The following CD101 variants were observed in gnomAD, a reference collection of about 807,000 sequenced individuals.
The protein encoded by CD101 is immunoglobulin superfamily member 2.
Under a neutral mutation model 98.2 loss-of-function variants are expected in CD101, and 76 were observed. The observed-to-expected ratio is 0.77, with a 90% CI of 0.64 to 0.94. CD101 has a LOEUF of 0.94. Ranked by LOEUF, CD101 falls within the 40% of genes least tolerant of loss-of-function variation. The pLI is 0.00. For synonymous variants in CD101, 471 were observed against 472.7 expected (o/e 1.00, Z 0.05); for missense variants, 1,145 against 1,218.8 (o/e 0.94, Z 0.90).
rs575637098 is a variant in CD101 at position 117,012,100 on chromosome 1, T to C, written c.841+134T>C. ...CTAGAAAGTTTGATTTAATTTTGTA[T>C]TTTTGTCATCTGAGAAGCATAACTA... On this transcript the variant is annotated intron_variant, in intron 3 of 9. Coordinates refer to ENST00000682167, the MANE Select transcript of CD101 (RefSeq NM_001256106.3). The surrounding 1 kb of genome is among the most constrained non-coding windows in gnomAD (Gnocchi z 4.0). 446 of 844,702 alleles carry C rather than the reference T, an allele frequency of 5.3e-4. 1 individual carries two copies. The highest frequency in any genetic ancestry group is 1.4e-3 in the Admixed American group (48 of 34,480). 52.3% of individuals were successfully genotyped at this position (844,702 alleles called of 1,614,324 possible).
intron 4 of CD101, among the ~76,000 whole-genome samples, chr1:117,016,696 A>G (rs1653239931): frequency 6.6e-6 from 1 of 152,208 alleles, no homozygotes; most frequent in Admixed American, 6.5e-5. Flanking sequence ...GTATCTCTAC[A>G]GAAAATTTAA....
rs757375727 is a variant in CD101 at position 117,013,639 on chromosome 1, G to C, written c.1075G>C (p.Ala359Pro). The change falls in exon 4 of 10, where the codon GCT (alanine) becomes CCT (proline). Residue 359 changes from alanine (A) to proline (P), a missense_variant. Physicochemically the swap from Ala to Pro is conservative, Grantham distance 27 (BLOSUM62 -1). Coordinates refer to ENST00000682167, the MANE Select transcript of CD101 (RefSeq NM_001256106.3). ...CCAGGTTTCAAAGTTAGGCCCCAAG[G>C]CTTTCTCTCTCAAGATCTTCTCTCT... Reference protein sequence around the residue: ...ELQVSKLGPKAFSLKIFSLGP... With the variant: ...ELQVSKLGPKPFSLKIFSLGP... The C allele has an allele frequency of 9.9e-6, 16 of 1,614,002 alleles. 1 individual carries two copies. The highest frequency in any genetic ancestry group is 2.7e-5 in the African/African-American group (2 of 74,908).
Position 117,010,632 on chromosome 1 carries a change from C to G in CD101, c.424+402C>G, listed in dbSNP as rs779719008. ...TCATTAACTTAGAAATGATAATTCT[C>G]AAACTACCATTCTCTAGCATATTTA... On this transcript the variant is annotated intron_variant, in intron 2 of 9. Transcript: ENST00000682167. This position sits in a 1 kb window ranked among gnomAD's most constrained non-coding sequence, Gnocchi z 5.2. Among the ~76,000 whole-genome samples the G allele has an allele frequency of 3.3e-5, 5 of 152,220 alleles. No homozygotes were observed. The highest frequency in any genetic ancestry group is 7.3e-5 in the Non-Finnish European group (5 of 68,040).
Position 117,009,835 on chromosome 1 carries a change from T to G in CD101, c.44-15T>G. On this transcript the variant is annotated splice_polypyrimidine_tract_variant and intron_variant, in intron 1 of 9. Coordinates refer to ENST00000682167, the MANE Select transcript of CD101 (RefSeq NM_001256106.3). ...TAATCTCTTTTTATTCCCCTTTCTT[T>G]CTCCTACTTACAAGCTAAGCTCAGC... The G allele has an allele frequency of 6.3e-7, 1 of 1,577,374 alleles. No homozygotes were observed. The highest frequency in any genetic ancestry group is 8.6e-7 in the Non-Finnish European group (1 of 1,156,372).
chr1:117,002,810 CA>C (rs1354793388), intron 1 of CD101, among the ~76,000 whole-genome samples: 1 of 152,132 alleles, frequency 6.6e-6, no homozygotes, highest in African/African-American at 2.4e-5. Flanking sequence ...AATAACATTT[CA>C]ATATATCTTA....
intron 1 of CD101, among the ~76,000 whole-genome samples, chr1:117,009,083 C>T (rs141337501): frequency 1.3e-3 from 197 of 152,258 alleles, no homozygotes; most frequent in African/African-American, 4.2e-3. Context: ...ATGCTTTTTC[C>T]TTTAGACCTA....
Position 117,018,888 on chromosome 1 carries a change from GAGA to G in CD101, c.2017+333_2017+335del, listed in dbSNP as rs1230719393. On this transcript the variant is annotated intron_variant, in intron 6 of 9. Coordinates refer to ENST00000682167, the MANE Select transcript of CD101 (RefSeq NM_001256106.3). The surrounding 1 kb of genome is among the most constrained non-coding windows in gnomAD (Gnocchi z 4.3). ...GGGCCTCTAGGACCTGGCTAGAGGG[GAGA>G]AGAAATGTTTTGGATTAGTCACTGT... 6.6e-6 allele frequency among the ~76,000 whole-genome samples: 1 copy of G among 152,194 alleles called. No homozygotes were observed. Among genetic ancestry groups the G allele is most frequent in the Non-Finnish European group, 1.5e-5 (1 of 68,036 alleles).
chr1:117,031,375 C>G (rs1237004468), intron 8 of CD101, among the ~76,000 whole-genome samples: 2 of 152,232 alleles, frequency 1.3e-5, no homozygotes, highest in African/African-American at 4.8e-5. Flanking sequence ...ATTCTAGCAA[C>G]TGTAATACCT....
Position 117,012,460 on chromosome 1 carries a change from A to G in CD101, c.841+494A>G, listed in dbSNP as rs1002087631. Reference sequence around the variant, plus strand: ...ACTCAGCACAGACAGCTGGGCCTCAAAGTAGCTCCAGTTTCCAACATGAAG... The same window carrying G: ...ACTCAGCACAGACAGCTGGGCCTCAGAGTAGCTCCAGTTTCCAACATGAAG... On this transcript the variant is annotated intron_variant, in intron 3 of 9. Transcript: ENST00000682167. The surrounding 1 kb of genome is among the most constrained non-coding windows in gnomAD (Gnocchi z 4.0). 1.3e-5 allele frequency among the ~76,000 whole-genome samples: 2 copies of G among 152,208 alleles called. No homozygotes were observed. The highest frequency in any genetic ancestry group is 4.8e-5 in the African/African-American group (2 of 41,464).
In CD101 at chr1:117,010,186, A is replaced by G. The variant is rs1480547666; in HGVS notation, c.380A>G (p.Asp127Gly). The change falls in exon 2 of 10, where the codon GAT (aspartate) becomes GGT (glycine). Residue 127 changes from aspartate (D) to glycine (G), a missense_variant. Coordinates refer to ENST00000682167, the MANE Select transcript of CD101 (RefSeq NM_001256106.3). The surrounding 1 kb of genome is among the most constrained non-coding windows in gnomAD (Gnocchi z 5.2). ...TATGAGTGTCACACACCAAACACTG[A>G]TGAGAAATACTATGGAAGTTACAGT... ...GEYECHTPNTDEKYYGSYSAK... is the reference protein window; with the variant it reads ...GEYECHTPNTGEKYYGSYSAK... The G allele has an allele frequency of 1.2e-6, 2 of 1,614,058 alleles. No homozygotes were observed. The highest frequency in any genetic ancestry group is 1.7e-5 in the Admixed American group (1 of 60,000).
chr1:117,024,445 C>A (rs1653777503), intron 7 of CD101, among the ~76,000 whole-genome samples: 1 of 151,928 alleles, frequency 6.6e-6, no homozygotes, highest in Non-Finnish European at 1.5e-5. Context: ...CCACTGCACT[C>A]TAGCCTGGGC....
intron 8 of CD101, among the ~76,000 whole-genome samples, chr1:117,028,629 A>T (rs1311479716): frequency 6.6e-6 from 1 of 152,134 alleles, no homozygotes; most frequent in African/African-American, 2.4e-5. Context: ...CCTGTGAAGG[A>T]GACTGATAGG....
chr1:117,029,251 AAGAAAGAAAGAAAGAAAGAAAG>A lies in CD101; in HGVS notation c.2824+3350_2824+3371del, dbSNP rs1177173392. On this transcript the variant is annotated intron_variant, in intron 8 of 9. Transcript: ENST00000682167. ...AAAGAAAGAAAGAAAGAAAGAAAGA[AAGAAAGAAAGAAAGAAAGAAAG>A]AGTAGATACGGTTGACAGTCCAACA... is the stretch of plus-strand genomic sequence containing the variant. Among the ~76,000 whole-genome samples the A allele has an allele frequency of 1.0e-3, 145 of 145,434 alleles. 4 individuals are homozygous for A. The highest frequency in any genetic ancestry group is 1.1e-3 in the Non-Finnish European group (73 of 67,446).
chr1:117,015,205 C>T (rs1027489393), intron 4 of CD101, among the ~76,000 whole-genome samples: 1 of 152,182 alleles, frequency 6.6e-6, no homozygotes. Flanking sequence ...GAAAGTCAAA[C>T]GTTACTTGAA....
Position 117,010,229 on chromosome 1 carries a change from T to C in CD101, c.423T>C (p.Ile141=), listed in dbSNP as rs1553185238. The C allele has an allele frequency of 6.2e-7, 1 of 1,603,594 alleles. No homozygotes were observed. The highest frequency in any genetic ancestry group is 8.5e-7 in the Non-Finnish European group (1 of 1,172,404). Residue 141 remains isoleucine (I), a splice_region_variant and synonymous_variant, in exon 2 of 10, where the codon ATT becomes ATC. Transcript: ENST00000682167. This position sits in a 1 kb window ranked among gnomAD's most constrained non-coding sequence, Gnocchi z 5.2. ...GTTACAGTGCAAAGACTAATCTAAT[T>C]GGTAAGTTGCTTGTCCACTTCTGCT... The part of the protein sequence containing the change: ...YGSYSAKTNL[I]VIPDTLSATM...
At chr1:117,028,299 T>C (rs1412529333) in intron 8 of CD101, among the ~76,000 whole-genome samples, 5 of 152,068 alleles carry the variant, frequency 3.3e-5, no homozygotes, top group Non-Finnish European at 5.9e-5. Flanking sequence ...TCATTGTATA[T>C]AGAGGGCAAA....
Position 117,025,593 on chromosome 1 carries a change from G to A in CD101, c.2513G>A (p.Ser838Asn), listed in dbSNP as rs773135966. The change falls in exon 8 of 10, where the codon AGT becomes AAT. Residue 838 changes from serine (S) to asparagine (N), a missense_variant. By Grantham distance (46) the Ser-to-Asn change is conservative. Coordinates refer to ENST00000682167, the MANE Select transcript of CD101 (RefSeq NM_001256106.3). ...GTGGCCATCCGCTGCAGCCTGGAGA[G>A]TGTAGGCAGCTCAGCCACTCTGTAC... ...REVAIRCSLE[S>N]VGSSATLYSV... is the part of the protein sequence containing the mutation. 1.9e-6 allele frequency: 3 copies of A among 1,613,904 alleles called. No individual in the cohort carries two copies. The highest frequency in any genetic ancestry group is 1.7e-5 in the Admixed American group (1 of 60,028).
chr1:117,018,385 G>A lies in CD101; in HGVS notation c.1842G>A (p.Thr614=), dbSNP rs79996128. Residue 614 remains threonine (T), a synonymous_variant, in exon 6 of 10, where the codon ACG becomes ACA. Transcript: ENST00000682167. This position sits in a 1 kb window ranked among gnomAD's most constrained non-coding sequence, Gnocchi z 4.3. ...TCCTATCCCGGTTCCAAAAGAAGACGAAAGTGTCGCAGTCTTTATTTCGTT... is the reference window on the plus strand; with the variant it reads ...TCCTATCCCGGTTCCAAAAGAAGACAAAAGTGTCGCAGTCTTTATTTCGTT... ...GNFLSRFQKK[T]KVSQSLFRSQ... 172 of 1,614,124 alleles carry A rather than the reference G, an allele frequency of 1.1e-4. No individual in the cohort carries two copies. In the African/African-American group the frequency reaches 1.9e-3, roughly 18 times the overall value.
At chr1:117,016,121 G>T (rs1653201490) in intron 4 of CD101, among the ~76,000 whole-genome samples, 2 of 150,888 alleles carry the variant, frequency 1.3e-5, no homozygotes, top group Admixed American at 1.3e-4. Context: ...ACAACAACGT[G>T]TGTTGTCGTA....
Sources: allele counts gnomAD v4.1 joint callset (sites outside exome capture counted in the v4.1 genomes callset), GRCh38; gene constraint gnomAD v4.1.1; non-coding constraint Gnocchi (gnomAD v3.1); transcripts MANE v1.5; gene names NCBI Gene and HGNC (gene_info 2026-07-23, HGNC 2026-07-21).